Variants in CPLANE1 observed in about 807,000 individuals in gnomAD.
CPLANE1 encodes the protein ciliogenesis and planar polarity effector 1.
A neutral mutation model predicts 362.5 loss-of-function variants in CPLANE1; 263 were observed. The observed-to-expected ratio is 0.73, with a 90% confidence interval of 0.66 to 0.80. CPLANE1 has a LOEUF of 0.80. CPLANE1 is among the 30% of genes least tolerant of loss of function. The pLI, the probability that CPLANE1 is intolerant of heterozygous loss-of-function variation, is 0.00. For missense variants in CPLANE1, 3,461 were observed against 3,793.4 expected, an observed-to-expected ratio of 0.91 and a Z score of 2.30; for synonymous variants, 1,212 against 1,302.6, an observed-to-expected ratio of 0.93 and a Z score of 1.50.
chr5:37,171,782 C>A (rs10056250), intron 32 of CPLANE1, among the ~76,000 whole-genome samples: 15,886 of 144,470 alleles, frequency 0.11, 863 homozygotes, highest in African/African-American at 0.13. Flanking sequence ...CTCTCTCTCT[C>A]TCTATCTATC....
intron 50 of CPLANE1, among the ~76,000 whole-genome samples, chr5:37,118,985 T>A (rs535576536): frequency 6.6e-6 from 1 of 152,284 alleles, no homozygotes; most frequent in African/African-American, 2.4e-5. Flanking sequence ...GTGCTGGGAT[T>A]ACAGGCGTGA....
intron 38 of CPLANE1, among the ~76,000 whole-genome samples, chr5:37,158,789 CA>C (rs1376909871): frequency 6.8e-6 from 1 of 146,722 alleles, no homozygotes; most frequent in Admixed American, 6.9e-5. Context: ...ACATAATTCA[CA>C]TTTTTTTTTT....
At chr5:37,114,582 G>C (rs188777644) in intron 51 of CPLANE1, among the ~76,000 whole-genome samples, 110 of 152,212 alleles carry the variant, frequency 7.2e-4, no homozygotes, top group Non-Finnish European at 1.1e-3. Flanking sequence ...ATTTGAAATG[G>C]AGTGATTTAT....
intron 32 of CPLANE1, 110 bp from the exon 33 acceptor site, chr5:37,170,441 T>A: frequency 8.8e-7 from 1 of 1,142,522 alleles, no homozygotes; most frequent in Non-Finnish European, 1.2e-6. Context: ...TGTCTTAATA[T>A]CTATGAGAAT....
intron 43 of CPLANE1, among the ~76,000 whole-genome samples, chr5:37,147,518 A>G (rs1439460694): frequency 6.6e-6 from 1 of 152,172 alleles, no homozygotes; most frequent in African/African-American, 2.4e-5. Context: ...CCTCAATTAC[A>G]CATATTAGAA....
intron 8 of CPLANE1, among the ~76,000 whole-genome samples, chr5:37,237,572 C>A (rs1336848297): frequency 6.6e-6 from 1 of 152,212 alleles, no homozygotes; most frequent in East Asian, 1.9e-4. Context: ...TATGGCCAGG[C>A]ACGGTGGCTT....
Position 37,183,380 on chromosome 5 carries a change from T to C in CPLANE1, c.4801A>G (p.Lys1601Glu), listed in dbSNP as rs946036827. 6.2e-7 allele frequency: 1 copy of C among 1,612,754 alleles called. No homozygotes were observed. The highest frequency in any genetic ancestry group is 1.3e-5 in the African/African-American group (1 of 74,824). ...CTTTTAGTTTTGCTCTGATGTCGTT[T>C]TAATGTTGTATGTACATCAAAAAGT... ...SLLFDVHTTL[K>E]RHQSKTKSQN... Residue 1601 changes from lysine to glutamate, a missense_variant, in exon 26 of 53, where the codon AAA becomes GAA. Coordinates refer to ENST00000651892, the MANE Select transcript of CPLANE1 (RefSeq NM_001384732.1).
intron 1 of CPLANE1, 71 bp downstream of exon 1, chr5:37,249,174 C>T (rs1740912198): frequency 6.6e-6 from 1 of 152,468 alleles, no homozygotes; most frequent in South Asian, 2.1e-4. Context: ...GAGGGGAGAC[C>T]GAGGACGCCC....
At chr5:37,085,620 C>T in the CPLANE1 span, 1 of 963,500 alleles carries the variant, frequency 1.0e-6, no homozygotes, top group Non-Finnish European at 1.7e-6. Flanking sequence ...ACTGGAGGTG[C>T]TAACCTGGGA....
rs1459918398 is a variant in CPLANE1, at chr5:37,245,570, T to A, written c.246A>T (p.Thr82=). The A allele has an allele frequency of 4.6e-6, 7 of 1,526,556 alleles. No homozygotes were observed. The African/African-American group carries it at 8.3e-5, about 18-fold the overall frequency. The allele number at this position is 1,526,556 out of a possible 1,614,324, so 94.6% of individuals were successfully genotyped here. A position where few individuals can be genotyped will look rare whatever the true frequency, so the allele number is the denominator to read the frequency against. ...NDAWLAGVLT[T]GELFLWNKDQ... is the part of the protein sequence containing the mutation. ...CTTTGTTCCAAAGGAAAAGCTCTCC[T>A]GTAGTTAGTACCCCAGCCAGCCAGG... is the stretch of plus-strand genomic sequence containing the variant. The change falls in exon 4 of 53, where the codon ACA becomes ACT. Residue 82 remains threonine, a synonymous_variant. Transcript: ENST00000651892.
At chr5:37,124,528 A>G (rs1231698656) in intron 47 of CPLANE1, among the ~76,000 whole-genome samples, 2 of 152,094 alleles carry the variant, frequency 1.3e-5, no homozygotes, top group Admixed American at 1.3e-4. Flanking sequence ...TATGAACAGA[A>G]AATTGAAGGG....
At chr5:37,215,566 T>G (rs1793814233) in intron 15 of CPLANE1, among the ~76,000 whole-genome samples, 1 of 152,156 alleles carries the variant, frequency 6.6e-6, no homozygotes, top group Non-Finnish European at 1.5e-5. Flanking sequence ...TCCTAACCCC[T>G]GTGATGTTCA....
rs568429313 is a variant in CPLANE1, at chr5:37,217,703, G to A, written c.2746+3621C>T. ...GTTAATAACAGAAACCCGGCTGGGC[G>A]AAGTGGCTCATGCCTGTAATCCTAG... On this transcript the variant is annotated intron_variant, in intron 15 of 52. Coordinates refer to ENST00000651892, the MANE Select transcript of CPLANE1 (RefSeq NM_001384732.1). Among the ~76,000 whole-genome samples, 17 of 151,896 alleles carry A rather than the reference G, an allele frequency of 1.1e-4. No individual in the cohort carries two copies. The South Asian group carries it at 2.9e-3, about 26-fold the overall frequency.
In CPLANE1 at chr5:37,169,599, T is replaced by C. The variant is rs779012642; in HGVS notation, c.6463-38A>G. 6.7e-6 allele frequency: 10 copies of C among 1,503,056 alleles called. No individual in the cohort carries two copies. The African/African-American group carries it at 8.4e-5, about 13-fold the overall frequency. The allele number at this position is 1,503,056 out of a possible 1,614,324, so 93.1% of individuals were successfully genotyped here. ...AAAGATATTATGTAAGTTTAGAATA[T>C]ATTAGAAATTCCTTCCTTTGTAAAT... On this transcript the variant is annotated intron_variant, in intron 33 of 52. Coordinates refer to ENST00000651892, the MANE Select transcript of CPLANE1 (RefSeq NM_001384732.1).
intron 46 of CPLANE1, among the ~76,000 whole-genome samples, chr5:37,133,148 C>T (rs145719569): frequency 6.6e-6 from 1 of 152,140 alleles, no homozygotes; most frequent in Non-Finnish European, 1.5e-5. Context: ...CATCTTTGTA[C>T]CAGTACCATG....
intron 46 of CPLANE1, among the ~76,000 whole-genome samples, chr5:37,132,489 C>T (rs1476460731): frequency 3.9e-5 from 6 of 151,900 alleles, no homozygotes; most frequent in South Asian, 4.1e-4. Flanking sequence ...GGACTACAGG[C>T]GCCCGCCACC....
At chr5:37,190,016 G>T (rs35742393) in intron 21 of CPLANE1, among the ~76,000 whole-genome samples, 136 of 151,754 alleles carry the variant, frequency 9.0e-4, no homozygotes, top group Non-Finnish European at 1.5e-3. Flanking sequence ...AAAAAGAAAA[G>T]AAAAGAAGAG....
At chr5:37,225,723 G>T (rs1333645081) in intron 12 of CPLANE1, among the ~76,000 whole-genome samples, 6 of 151,736 alleles carry the variant, frequency 4.0e-5, no homozygotes, top group African/African-American at 1.5e-4. Flanking sequence ...GTGGTGGCAG[G>T]CGCCTGTAAT....
intron 21 of CPLANE1, among the ~76,000 whole-genome samples, chr5:37,193,796 T>C (rs938871452): frequency 1.3e-5 from 2 of 152,014 alleles, no homozygotes; most frequent in Non-Finnish European, 2.9e-5. Context: ...TGGAGATCAG[T>C]AGCAAGATCA....
Sources: allele counts gnomAD v4.1 joint callset (sites outside exome capture counted in the v4.1 genomes callset), GRCh38; gene constraint gnomAD v4.1.1; transcripts MANE v1.5; gene names NCBI Gene and HGNC (gene_info 2026-07-23, HGNC 2026-07-21).